BTBD9: variants seen among roughly 807,000 people sequenced by gnomAD.
The protein encoded by BTBD9 is BTB/POZ domain-containing protein 9.
In BTBD9, 49 loss-of-function variants were observed where a neutral mutation model predicts 64.3. The observed-to-expected ratio is 0.76, with a 90% CI of 0.61 to 0.97. BTBD9 has a LOEUF of 0.97. BTBD9 is among the 50% of genes least tolerant of loss of function. The pLI is 0.00. For synonymous variants in BTBD9, 260 were observed against 274.7 expected, an observed-to-expected ratio of 0.95 and a Z score of 0.53; for missense variants, 598 against 762.1, an observed-to-expected ratio of 0.78 and a Z score of 2.53.
intron 6 of BTBD9, among the ~76,000 whole-genome samples, chr6:38,370,822 C>T (rs1475607207): frequency 6.6e-6 from 1 of 152,208 alleles, no homozygotes; most frequent in African/African-American, 2.4e-5. Flanking sequence ...TAACATGTCA[C>T]GGAGTCATGG....
chr6:38,623,321 C>T (rs1778054131), intron 1 of BTBD9, among the ~76,000 whole-genome samples: 1 of 152,180 alleles, frequency 6.6e-6, no homozygotes, highest in Non-Finnish European at 1.5e-5. Flanking sequence ...CAGGGCCATA[C>T]AACTAATACC....
intron 6 of BTBD9, among the ~76,000 whole-genome samples, chr6:38,559,864 T>C (rs1443039458): frequency 6.6e-6 from 1 of 152,216 alleles, no homozygotes; most frequent in Non-Finnish European, 1.5e-5. Context: ...CTGGGATAAC[T>C]GGCTGGTCAT....
chr6:38,259,685 C>T (rs571531302), intron 8 of BTBD9, among the ~76,000 whole-genome samples: 12 of 152,288 alleles, frequency 7.9e-5, no homozygotes, highest in Non-Finnish European at 1.6e-4. Flanking sequence ...CTAAAGGGCT[C>T]GCCTTCCCTT....
At position 38,598,027 on chromosome 6, in the gene BTBD9, G is replaced by A; in HGVS notation, c.68C>T (p.Ser23Phe). ...VGEIDHVHIL[S>F]EHIGALLIGE... ...AATCAACAAGGCACCAATATGTTCA[G>A]ACAAAATGTGCACATGATCAATTTC... Residue 23 changes from serine (S) to phenylalanine (F), a missense_variant, in exon 2 of 11, where the codon TCT becomes TTT. Transcript: ENST00000481247. The A allele has an allele frequency of 6.2e-7, 1 of 1,613,992 alleles. No homozygotes were observed. The highest frequency in any genetic ancestry group is 8.5e-7 in the Non-Finnish European group (1 of 1,179,874).
chr6:38,493,931 A>C (rs1771816933), intron 6 of BTBD9, among the ~76,000 whole-genome samples: 1 of 152,258 alleles, frequency 6.6e-6, no homozygotes, highest in Non-Finnish European at 1.5e-5. Context: ...ATTTGAGTAA[A>C]TTACACAGCA....
chr6:38,383,382 C>A (rs188690801), intron 6 of BTBD9, among the ~76,000 whole-genome samples: 1 of 152,234 alleles, frequency 6.6e-6, no homozygotes, highest in Non-Finnish European at 1.5e-5. Context: ...TAAAAGGCAT[C>A]TATCAGAATC....
intron 6 of BTBD9, among the ~76,000 whole-genome samples, chr6:38,361,744 G>GC (rs1304381703): frequency 6.6e-6 from 1 of 152,008 alleles, no homozygotes; most frequent in African/African-American, 2.4e-5. Context: ...AGAGGCTGAG[G>GC]CAAGAGAATT....
At chr6:38,410,530 CTT>C (rs1767376992) in intron 6 of BTBD9, among the ~76,000 whole-genome samples, 1 of 152,100 alleles carries the variant, frequency 6.6e-6, no homozygotes, top group African/African-American at 2.4e-5. Context: ...ATCTCAAAAA[CTT>C]AGCATTTTTT....
Position 38,169,900 on chromosome 6 carries a change from A to T in BTBD9, c.*5085T>A, listed in dbSNP as rs965118209. Reference sequence around the variant, plus strand: ...CTCTTGGGGACTATTTCAGTTCTTTAAAAAAAAGAAGACACGAAGCTGATG... The same window carrying T: ...CTCTTGGGGACTATTTCAGTTCTTTTAAAAAAAGAAGACACGAAGCTGATG... On this transcript the variant is annotated 3_prime_UTR_variant, in exon 11 of 11. Coordinates refer to ENST00000481247, the MANE Select transcript of BTBD9 (RefSeq NM_001099272.2). The T allele has an allele frequency of 4.4e-5, 1 of 22,848 alleles. No individual in the cohort carries two copies. Among genetic ancestry groups the T allele is most frequent in the African/African-American group, 1.1e-4 (1 of 9,258 alleles). The allele number at this position is 22,848 out of a possible 1,614,324, so 1.4% of individuals were successfully genotyped here.
At chr6:38,377,448 T>TA (rs978611106) in intron 6 of BTBD9, among the ~76,000 whole-genome samples, 1 of 152,196 alleles carries the variant, frequency 6.6e-6, no homozygotes. Context: ...ATGCAACTGT[T>TA]ACAGCTGAGG....
chr6:38,537,563 T>C (rs1774075802), intron 6 of BTBD9, among the ~76,000 whole-genome samples: 1 of 152,216 alleles, frequency 6.6e-6, no homozygotes, highest in Admixed American at 6.5e-5. Context: ...TCTTTAATTT[T>C]TTACTTATTT....
At chr6:38,496,088 C>A (rs963143691) in intron 6 of BTBD9, among the ~76,000 whole-genome samples, 7 of 152,072 alleles carry the variant, frequency 4.6e-5, no homozygotes, top group African/African-American at 1.4e-4. Flanking sequence ...GCTGAAGAGG[C>A]CTGATGTGAA....
chr6:38,461,526 T>C (rs957124402), intron 6 of BTBD9, among the ~76,000 whole-genome samples: 1 of 152,230 alleles, frequency 6.6e-6, no homozygotes, highest in African/African-American at 2.4e-5. Flanking sequence ...TAGTATTTTA[T>C]TGTACACAAT....
chr6:38,514,589 C>G (rs1278844440), intron 6 of BTBD9, among the ~76,000 whole-genome samples: 1 of 152,160 alleles, frequency 6.6e-6, no homozygotes, highest in Non-Finnish European at 1.5e-5. Flanking sequence ...TATTAAAATT[C>G]TCATATGTCC....
chr6:38,393,003 T>G (rs1766502023), intron 6 of BTBD9, among the ~76,000 whole-genome samples: 1 of 151,902 alleles, frequency 6.6e-6, no homozygotes, highest in Non-Finnish European at 1.5e-5. Flanking sequence ...GGCTCCTGAG[T>G]AGCTGGGATT....
chr6:38,201,737 G>A (rs1762468175), intron 9 of BTBD9, among the ~76,000 whole-genome samples: 1 of 152,190 alleles, frequency 6.6e-6, no homozygotes, highest in Non-Finnish European at 1.5e-5. Flanking sequence ...AGCAGATTCA[G>A]TAAAGCTGCA....
intron 6 of BTBD9, among the ~76,000 whole-genome samples, chr6:38,347,058 A>C (rs1040839358): frequency 6.6e-6 from 1 of 152,168 alleles, no homozygotes; most frequent in African/African-American, 2.4e-5. Flanking sequence ...GGATGCAATA[A>C]CCTTCCTTCC....
At chr6:38,556,506 AGT>A (rs140373285) in intron 6 of BTBD9, among the ~76,000 whole-genome samples, 3,136 of 137,786 alleles carry the variant, frequency 0.023, 67 homozygotes, top group Admixed American at 0.055. Flanking sequence ...TGTCCTATAA[AGT>A]GTGTGTGTGT....
At position 38,602,033 on chromosome 6, in the gene BTBD9, A is replaced by G. The variant is rs1173910512; in HGVS notation, c.-27-3912T>C. Among the ~76,000 whole-genome samples the G allele has an allele frequency of 2.0e-5, 3 of 152,206 alleles. No homozygotes were observed. In the East Asian group the frequency reaches 5.8e-4, roughly 29 times the overall value. On this transcript the variant is annotated intron_variant, in intron 1 of 10. Coordinates refer to ENST00000481247, the MANE Select transcript of BTBD9 (RefSeq NM_001099272.2). ...ACTGAAAGATTTAAGAAAAATACAA[A>G]GACATAAGTTGTTTGGGGATAGAAT...
Sources: gnomAD v4.1 joint callset for allele counts (sites outside exome capture counted in the v4.1 genomes callset) on GRCh38, gnomAD v4.1.1 for gene constraint, MANE v1.5 for transcripts, NCBI Gene and HGNC (gene_info 2026-07-23, HGNC 2026-07-21) for gene names.